Variants in MRC1 observed in about 807,000 individuals in gnomAD.
MRC1 encodes the protein macrophage mannose receptor 1.
In MRC1, 62 loss-of-function variants were observed where a neutral mutation model predicts 102.9. The ratio of observed to expected loss-of-function variants is 0.60; its 90% CI spans 0.49 to 0.74. The LOEUF (loss-of-function observed/expected upper bound fraction) is 0.74, where lower values mean the gene tolerates loss of function less well. MRC1 is among the 30% of genes least tolerant of loss of function. MRC1 has a pLI of 0.00. For missense variants in MRC1, 1,237 were observed against 862.8 expected (o/e 1.43, Z -5.43); for synonymous variants, 457 against 298.4 (o/e 1.53, Z -5.48).
chr10:17,845,361 T>C lies in MRC1; in HGVS notation c.989T>C (p.Leu330Pro). ...NPGKNAKWEN[L>P]ECVQKLGYIC... is the part of the protein sequence containing the mutation. ...GGAAAAAATGCTAAATGGGAAAATC[T>C]GGAATGTGTTCAGAAACTGGGCTAT... Residue 330 changes from leucine to proline, a missense_variant, in exon 6 of 30, where the codon CTG (leucine) becomes CCG (proline). Transcript: ENST00000569591. 2.6e-6 allele frequency: 2 copies of C among 780,862 alleles called. No homozygotes were observed. The highest frequency in any genetic ancestry group is 1.3e-5 in the South Asian group (1 of 74,614). 48.4% of individuals were successfully genotyped at this position (780,862 alleles called of 1,614,324 possible). A position where few individuals can be genotyped will look rare whatever the true frequency, so the allele number is the denominator to read the frequency against.
At chr10:17,896,057 G>A (rs1228156179) in intron 23 of MRC1, among the ~76,000 whole-genome samples, 1 of 152,162 alleles carries the variant, frequency 6.6e-6, no homozygotes. Flanking sequence ...TCTGGAGTGA[G>A]TCCTGCCTCC....
At chr10:17,812,747 A>G (rs1219764978) in intron 1 of MRC1, among the ~76,000 whole-genome samples, 1 of 151,490 alleles carries the variant, frequency 6.6e-6, no homozygotes. Flanking sequence ...AATTTTTTCT[A>G]TTTTTAGTAG....
At chr10:17,811,036 G>A (rs1838213510) in intron 1 of MRC1, among the ~76,000 whole-genome samples, 1 of 152,104 alleles carries the variant, frequency 6.6e-6, no homozygotes, top group East Asian at 1.9e-4. Flanking sequence ...CAAGTGATCT[G>A]CCCTCCTCAG....
chr10:17,844,511 T>G (rs1039765984), intron 5 of MRC1, among the ~76,000 whole-genome samples: 9 of 152,144 alleles, frequency 5.9e-5, no homozygotes, highest in Non-Finnish European at 1.0e-4. Flanking sequence ...TGAGCCACCG[T>G]GCCCTGCCCT....
At chr10:17,887,353 T>G (rs952662584) in intron 22 of MRC1, among the ~76,000 whole-genome samples, 4 of 152,184 alleles carry the variant, frequency 2.6e-5, no homozygotes, top group African/African-American at 9.6e-5. Flanking sequence ...ATCGCGCCAC[T>G]GCACTCCAGC....
intron 6 of MRC1, among the ~76,000 whole-genome samples, chr10:17,845,776 C>G (rs1554840178): frequency 6.6e-6 from 1 of 152,184 alleles, no homozygotes; most frequent in Non-Finnish European, 1.5e-5. Flanking sequence ...GGAATCCAAG[C>G]TAGAAAGTCA....
chr10:17,813,023 A>C (rs1838249581), intron 1 of MRC1, among the ~76,000 whole-genome samples: 2 of 152,204 alleles, frequency 1.3e-5, no homozygotes. Context: ...CTTGGTGGAC[A>C]GAGAAGCCTT....
intron 12 of MRC1, 83 bp from the exon 13 acceptor site, chr10:17,870,163 T>G (rs1297089692): frequency 8.3e-6 from 6 of 720,364 alleles, no homozygotes; most frequent in African/African-American, 3.5e-5. Flanking sequence ...GTAAATGAAC[T>G]CTCATCAAAA....
chr10:17,809,476 C>A lies in MRC1; in HGVS notation c.11C>A (p.Pro4His), dbSNP rs1554837287. 197 of 872,766 alleles carry A rather than the reference C, an allele frequency of 2.3e-4. 3 individuals are homozygous for A. The South Asian group carries it at 2.5e-3, about 11-fold the overall frequency. The allele number at this position is 872,766 out of a possible 1,614,324, so 54.1% of individuals were successfully genotyped here. The stretch of plus-strand genomic sequence containing the variant: ...GATAAACCCTGGGCCATGAGGCTAC[C>A]CCTGCTCCTGGTTTTTGCCTCTGTC... MRLPLLLVFASVIP... is the reference protein window; with the variant it reads MRLHLLLVFASVIP... The change falls in exon 1 of 30, where the codon CCC becomes CAC. Residue 4 changes from proline to histidine, a missense_variant. Pro to His is a moderately conservative substitution (Grantham distance 77, BLOSUM62 -2). Transcript: ENST00000569591.
intron 5 of MRC1, among the ~76,000 whole-genome samples, chr10:17,842,972 C>T (rs1038810599): frequency 3.3e-5 from 5 of 152,128 alleles, no homozygotes; most frequent in Non-Finnish European, 7.4e-5. Flanking sequence ...AATTAAAAAT[C>T]GGTTTCATAT....
intron 3 of MRC1, among the ~76,000 whole-genome samples, chr10:17,829,590 G>A (rs1378910979): frequency 6.6e-6 from 1 of 151,382 alleles, no homozygotes; most frequent in African/African-American, 2.5e-5. Context: ...AAGTATTTTT[G>A]TCTGAAACAC....
chr10:17,846,929 A>G (rs1208568566), intron 6 of MRC1, among the ~76,000 whole-genome samples: 2 of 152,198 alleles, frequency 1.3e-5, no homozygotes, highest in Non-Finnish European at 2.9e-5. Context: ...CATTTCATGC[A>G]TGTGATCATT....
chr10:17,823,143 T>C lies in MRC1; in HGVS notation c.131T>C (p.Val44Ala), dbSNP rs1429642650. ...GTGGATGCAGTGAGTCCCAGTGCCGTCCAAACCGCAGCTTGCAACCAGGAT... is the reference window on the plus strand; with the variant it reads ...GTGGATGCAGTGAGTCCCAGTGCCGCCCAAACCGCAGCTTGCAACCAGGAT... Reference protein sequence around the residue: ...RCVDAVSPSAVQTAACNQDAE... With the variant: ...RCVDAVSPSAAQTAACNQDAE... The change falls in exon 2 of 30, where the codon GTC (valine) becomes GCC (alanine). Residue 44 changes from valine (V) to alanine (A), a missense_variant. Coordinates refer to ENST00000569591, the MANE Select transcript of MRC1 (RefSeq NM_002438.4). The C allele has an allele frequency of 3.8e-6, 3 of 780,824 alleles. No homozygotes were observed. The highest frequency in any genetic ancestry group is 7.2e-6 in the Non-Finnish European group (3 of 417,942). 48.4% of individuals were successfully genotyped at this position (780,824 alleles called of 1,614,324 possible).
intron 1 of MRC1, among the ~76,000 whole-genome samples, chr10:17,810,941 C>T (rs1049062246): frequency 2.0e-5 from 3 of 152,074 alleles, no homozygotes; most frequent in Non-Finnish European, 4.4e-5. Context: ...TACAGGCATG[C>T]ACCACCATGC....
intron 4 of MRC1, 142 bp downstream of exon 4, chr10:17,833,981 T>A: frequency 1.6e-6 from 1 of 636,768 alleles, no homozygotes; most frequent in Non-Finnish European, 2.8e-6. Flanking sequence ...ATGACAAATC[T>A]GTACTCTGAA....
rs1383922928 is a variant in MRC1 at position 17,898,112 on chromosome 10, TGA to T, written c.3332_3333del (p.Arg1111ThrfsTer7). The T allele has an allele frequency of 1.3e-6, 1 of 780,726 alleles. No individual in the cohort carries two copies. Among genetic ancestry groups the T allele is most frequent in the Non-Finnish European group, 2.4e-6 (1 of 417,970 alleles). 48.4% of individuals were successfully genotyped at this position (780,726 alleles called of 1,614,324 possible). A position where few individuals can be genotyped will look rare whatever the true frequency, so the allele number is the denominator to read the frequency against. On this transcript the variant is annotated frameshift_variant, in exon 24 of 30. Coordinates refer to ENST00000569591, the MANE Select transcript of MRC1 (RefSeq NM_002438.4). LOFTEE classifies it high-confidence loss of function. ...TATGGCAAAAGCAGCTATTCACTCATGAGACAAAAATTTCAATGGCATGAAGC... is the reference window on the plus strand; with the variant it reads ...TATGGCAAAAGCAGCTATTCACTCATGACAAAAATTTCAATGGCATGAAGC...
At chr10:17,859,644 G>A (rs1215814084) in intron 9 of MRC1, among the ~76,000 whole-genome samples, 1 of 152,088 alleles carries the variant, frequency 6.6e-6, no homozygotes, top group Admixed American at 6.6e-5. Context: ...TTGTGATTTA[G>A]TGACCTCTCC....
chr10:17,903,392 CTT>C (rs35118275), intron 26 of MRC1, among the ~76,000 whole-genome samples: 2 of 88,864 alleles, frequency 2.3e-5, no homozygotes, highest in African/African-American at 4.4e-5. Context: ...CTTTTTTTTT[CTT>C]TTTTTTTTTT....
At chr10:17,841,798 G>C in intron 5 of MRC1, among the ~76,000 whole-genome samples, 1 of 150,536 alleles carries the variant, frequency 6.6e-6, no homozygotes, top group East Asian at 1.9e-4. Context: ...GTCTGCCGTG[G>C]GTGTGGGAAA....
Sources: gnomAD v4.1 joint callset for allele counts (sites outside exome capture counted in the v4.1 genomes callset) on GRCh38, gnomAD v4.1.1 for gene constraint, MANE v1.5 for transcripts, NCBI Gene and HGNC (gene_info 2026-07-23, HGNC 2026-07-21) for gene names.